The following MGMT variants were observed in gnomAD, a reference collection of about 807,000 sequenced individuals.
MGMT encodes the protein methylated-DNA--protein-cysteine methyltransferase.
Under a neutral mutation model 15.9 loss-of-function variants are expected in MGMT, and 14 were observed. The observed-to-expected ratio is 0.88, with a 90% confidence interval of 0.58 to 1.37. The LOEUF (loss-of-function observed/expected upper bound fraction) is 1.37. Among genes scored for constraint, MGMT ranks in the 40% most tolerant of loss-of-function variants. The pLI, the probability that MGMT is intolerant of heterozygous loss-of-function variation, is 0.00. For missense variants in MGMT, 282 were observed against 268.1 expected, an observed-to-expected ratio of 1.05 and a Z score of -0.36; for synonymous variants, 130 against 118.2, an observed-to-expected ratio of 1.10 and a Z score of -0.65.
chr10:129,719,240 G>A (rs144357579), intron 3 of MGMT, among the ~76,000 whole-genome samples: 29 of 152,286 alleles, frequency 1.9e-4, no homozygotes, highest in East Asian at 7.7e-4. Context: ...ACTCAGGTAC[G>A]TCACCTTCCC....
chr10:129,542,845 C>T (rs1018321666), intron 2 of MGMT, among the ~76,000 whole-genome samples: 10 of 152,180 alleles, frequency 6.6e-5, no homozygotes, highest in Admixed American at 2.0e-4. Context: ...GGCCTGTCCA[C>T]GCTGACGGAT....
At chr10:129,716,157 C>CT (rs35980486) in intron 3 of MGMT, among the ~76,000 whole-genome samples, 51 of 152,254 alleles carry the variant, frequency 3.3e-4, no homozygotes, top group African/African-American at 1.1e-3. Context: ...AAAGAAAGTC[C>CT]TTTTTTGAAA....
intron 3 of MGMT, among the ~76,000 whole-genome samples, chr10:129,758,513 G>A (rs1330321153): frequency 2.0e-5 from 3 of 152,012 alleles, no homozygotes; most frequent in Non-Finnish European, 4.4e-5. Flanking sequence ...GGAGGCAGAG[G>A]GAGAGAATGT....
chr10:129,634,402 T>C (rs1847243169), intron 2 of MGMT, among the ~76,000 whole-genome samples: 1 of 152,218 alleles, frequency 6.6e-6, no homozygotes, highest in Non-Finnish European at 1.5e-5. Flanking sequence ...TTGGAAAATA[T>C]TTTGGCTATT....
chr10:129,594,104 G>T (rs1431138818), intron 2 of MGMT, among the ~76,000 whole-genome samples: 3 of 152,170 alleles, frequency 2.0e-5, no homozygotes, highest in Non-Finnish European at 4.4e-5. Flanking sequence ...TGATCTGTGG[G>T]GGCAGCCCTG....
chr10:129,487,585 G>GTA (rs34686022), intron 1 of MGMT, among the ~76,000 whole-genome samples: 14,535 of 151,144 alleles, frequency 0.096, 845 homozygotes, highest in East Asian at 0.27. Context: ...TCAAAAAATT[G>GTA]TATATATATA....
rs1847574056 is a variant in MGMT, at chr10:129,659,692, T to C, written c.126-48203T>C. 6.6e-6 allele frequency among the ~76,000 whole-genome samples: 1 copy of C among 152,338 alleles called. No homozygotes were observed. Among genetic ancestry groups the C allele is most frequent in the Non-Finnish European group, 1.5e-5 (1 of 68,042 alleles). On this transcript the variant is annotated intron_variant, in intron 2 of 4. Transcript: ENST00000651593. The surrounding 1 kb of genome is among the most constrained non-coding windows in gnomAD (Gnocchi z 4.1). ...AGCAGTTTAGCCCGAAAATATTCCA[T>C]GAGTAGCTGCCAGGAGAGCTTTTCT...
intron 2 of MGMT, among the ~76,000 whole-genome samples, chr10:129,626,734 A>G: frequency 6.6e-6 from 1 of 152,204 alleles, no homozygotes; most frequent in East Asian, 1.9e-4. Context: ...TGCCTCTGAT[A>G]ACACCGTGGT....
At chr10:129,468,808 C>G (rs2119606783) in intron 1 of MGMT, among the ~76,000 whole-genome samples, 1 of 152,082 alleles carries the variant, frequency 6.6e-6, no homozygotes, top group East Asian at 1.9e-4. Flanking sequence ...TTGCTTGAAC[C>G]TGGGAGGCGG....
At chr10:129,674,386 C>G (rs933145364) in intron 2 of MGMT, among the ~76,000 whole-genome samples, 1 of 152,182 alleles carries the variant, frequency 6.6e-6, no homozygotes, top group African/African-American at 2.4e-5. Flanking sequence ...AAGCCAGTCA[C>G]GAATCGGCTA....
At chr10:129,507,070 A>G (rs1285113953) in intron 1 of MGMT, among the ~76,000 whole-genome samples, 2 of 152,172 alleles carry the variant, frequency 1.3e-5, no homozygotes, top group African/African-American at 4.8e-5. Context: ...GTGCTATGTT[A>G]TGATGCTTTG....
At chr10:129,657,689 A>ACACG (rs1225082964) in intron 2 of MGMT, among the ~76,000 whole-genome samples, 1 of 140,460 alleles carries the variant, frequency 7.1e-6, no homozygotes, top group Non-Finnish European at 1.5e-5. Flanking sequence ...ACACACACAC[A>ACACG]CACACACACA....
intron 2 of MGMT, among the ~76,000 whole-genome samples, chr10:129,546,406 G>C (rs1846098581): frequency 6.6e-6 from 1 of 152,252 alleles, no homozygotes; most frequent in Non-Finnish European, 1.5e-5. Flanking sequence ...GCTGCTGACA[G>C]GATGTAGGGG....
rs1280466837 is a variant in MGMT, at chr10:129,556,231, AG to A, written c.125+19856del. Among the ~76,000 whole-genome samples the A allele has an allele frequency of 6.6e-6, 1 of 152,070 alleles. No individual in the cohort carries two copies. Among genetic ancestry groups the A allele is most frequent in the Non-Finnish European group, 1.5e-5 (1 of 68,028 alleles). On this transcript the variant is annotated intron_variant, in intron 2 of 4. Transcript: ENST00000651593. This position sits in a 1 kb window ranked among gnomAD's most constrained non-coding sequence, Gnocchi z 4.3. ...GTGTAGCACGTGGCCCCCAAAATTT[AG>A]GTGTTGAAGTCCTCATCCTCAGAAC... is the stretch of plus-strand genomic sequence containing the variant.
intron 2 of MGMT, among the ~76,000 whole-genome samples, chr10:129,638,429 C>CAAAAAAAAAAAAAAAAGAA (rs1327986095): frequency 9.7e-5 from 6 of 61,772 alleles, no homozygotes; most frequent in Non-Finnish European, 1.6e-4. Flanking sequence ...ACCAAAGAGG[C>CAAAAAAAAAAAAAAAAGAA]AAAAAAAAAA....
chr10:129,627,304 G>A (rs1847160823), intron 2 of MGMT, among the ~76,000 whole-genome samples: 1 of 152,072 alleles, frequency 6.6e-6, no homozygotes, highest in African/African-American at 2.4e-5. Context: ...AAACTAAGCT[G>A]GGATTCCCCA....
At chr10:129,736,923 A>G (rs915952562) in intron 3 of MGMT, among the ~76,000 whole-genome samples, 1 of 152,226 alleles carries the variant, frequency 6.6e-6, no homozygotes, top group African/African-American at 2.4e-5. Context: ...TTCTGCCAAG[A>G]GATCTGCTGT....
chr10:129,720,942 GA>G (rs5788995), intron 3 of MGMT, among the ~76,000 whole-genome samples: 43,227 of 143,972 alleles, frequency 0.3, 6,798 homozygotes, highest in East Asian at 0.44. Flanking sequence ...ATGTCAGGGG[GA>G]AAAAAAAAAA....
intron 2 of MGMT, among the ~76,000 whole-genome samples, chr10:129,638,305 G>T (rs1398801353): frequency 6.6e-6 from 1 of 151,660 alleles, no homozygotes; most frequent in Non-Finnish European, 1.5e-5. Context: ...AAAACAGATG[G>T]ATGTCTCCCA....
Sources: gnomAD v4.1 joint callset for allele counts (sites outside exome capture counted in the v4.1 genomes callset) on GRCh38, gnomAD v4.1.1 for gene constraint, Gnocchi (gnomAD v3.1) non-coding constraint, MANE v1.5 for transcripts, NCBI Gene and HGNC (gene_info 2026-07-23, HGNC 2026-07-21) for gene names.